ADAM17: variants seen among roughly 807,000 people sequenced by gnomAD.
ADAM17 encodes the protein disintegrin and metalloproteinase domain-containing protein 17.
In ADAM17, 39 loss-of-function variants were observed where a neutral mutation model predicts 96.7. The observed-to-expected ratio is 0.40, with a 90% CI of 0.31 to 0.53. The LOEUF (loss-of-function observed/expected upper bound fraction) is 0.53, where lower values mean the gene tolerates loss of function less well. Among genes scored for constraint, ADAM17 ranks in the 20% least tolerant of loss-of-function variants. The pLI, the probability that ADAM17 is intolerant of heterozygous loss-of-function variation, is 0.44. For missense variants in ADAM17, 777 were observed against 1,013.2 expected, an observed-to-expected ratio of 0.77 and a Z score of 3.17; for synonymous variants, 344 against 359.2, an observed-to-expected ratio of 0.96 and a Z score of 0.48.
rs536666129 is a variant in ADAM17, at chr2:9,527,595, T to G, written c.619+191A>C. The G allele has an allele frequency of 6.4e-5, 24 of 377,944 alleles. No individual in the cohort carries two copies. The South Asian group carries it at 2.8e-3, about 44-fold the overall frequency. 23.4% of individuals were successfully genotyped at this position (377,944 alleles called of 1,614,324 possible). ...GTCTAATCTCTGTTGTTCCCATTAT[T>G]TTCCAGAGTTTTCAACTCTTACATT... On this transcript the variant is annotated intron_variant, in intron 5 of 18. Coordinates refer to ENST00000310823, the MANE Select transcript of ADAM17 (RefSeq NM_003183.6).
rs377084834 is a variant in ADAM17 at position 9,494,787 on chromosome 2, T to C, written c.1784-20A>G. The C allele has an allele frequency of 3.1e-6, 5 of 1,613,192 alleles. No homozygotes were observed. In the African/African-American group the frequency reaches 5.3e-5, roughly 17 times the overall value. On this transcript the variant is annotated intron_variant, in intron 14 of 18. Transcript: ENST00000310823. ...CAGTTTCTGGAACAGAGAACACGCA[T>C]TGACAGCTGGATTGTTCTGAGACCT...
chr2:9,538,693 G>A (rs1182085152), intron 2 of ADAM17, among the ~76,000 whole-genome samples: 5 of 152,158 alleles, frequency 3.3e-5, no homozygotes, highest in Non-Finnish European at 5.9e-5. Flanking sequence ...AAGACCAAGC[G>A]ATTATAAAAT....
At chr2:9,549,317 G>A (rs1434155020) in intron 1 of ADAM17, among the ~76,000 whole-genome samples, 1 of 152,178 alleles carries the variant, frequency 6.6e-6, no homozygotes, top group Non-Finnish European at 1.5e-5. Flanking sequence ...GTTGCAGTGA[G>A]TGAGCTGAGA....
intron 1 of ADAM17, among the ~76,000 whole-genome samples, chr2:9,553,683 AAAAAAAAGAAAG>A (rs1223170785): frequency 6.1e-4 from 93 of 151,540 alleles, no homozygotes; most frequent in Admixed American, 1.8e-3. Context: ...CTCAAAAAAA[AAAAAAAAGAAAG>A]AAAAAGAAAA....
chr2:9,537,999 G>T (rs1179820834), intron 2 of ADAM17, among the ~76,000 whole-genome samples: 1 of 70,780 alleles, frequency 1.4e-5, no homozygotes, highest in Non-Finnish European at 2.9e-5. Flanking sequence ...AGGGAGGGGA[G>T]GGGAAGGGAG....
chr2:9,545,863 G>T (rs1218884980), intron 1 of ADAM17, among the ~76,000 whole-genome samples: 1 of 152,140 alleles, frequency 6.6e-6, no homozygotes, highest in Non-Finnish European at 1.5e-5. Context: ...GGAGGTCAAG[G>T]TGAGAGAATT....
chr2:9,514,518 AATATATATATATAT>A (rs70948826), intron 10 of ADAM17, among the ~76,000 whole-genome samples: 9,081 of 89,280 alleles, frequency 0.1, 590 homozygotes, highest in Middle Eastern at 0.14. Flanking sequence ...TTAAAATATA[AATATATATATATAT>A]ATATATATAT....
rs545232162 is a variant in ADAM17, at chr2:9,498,864, C to T, written c.1649-1616G>A. Among the ~76,000 whole-genome samples the T allele has an allele frequency of 2.0e-5, 3 of 152,242 alleles. No homozygotes were observed. The East Asian group carries it at 5.8e-4, about 29-fold the overall frequency. ...GCATCTGTTCTTAAAAGACTAAAGT[C>T]AGAGTATTAGACAGGTAGGAAAATA... On this transcript the variant is annotated intron_variant, in intron 13 of 18. Transcript: ENST00000310823.
At chr2:9,508,185 T>G (rs984741238) in intron 11 of ADAM17, among the ~76,000 whole-genome samples, 1 of 152,212 alleles carries the variant, frequency 6.6e-6, no homozygotes, top group Non-Finnish European at 1.5e-5. Flanking sequence ...CAGTATGCAA[T>G]ATGGTAGCCA....
At chr2:9,505,090 T>C in intron 12 of ADAM17, 76 bp downstream of exon 12, 1 of 1,485,772 alleles carries the variant, frequency 6.7e-7, no homozygotes, top group Non-Finnish European at 9.3e-7. Flanking sequence ...CTAAAGCCCC[T>C]GCAAGTTCAG....
intron 11 of ADAM17, among the ~76,000 whole-genome samples, chr2:9,509,555 T>C (rs937921695): frequency 3.3e-5 from 5 of 152,228 alleles, no homozygotes; most frequent in African/African-American, 9.6e-5. Context: ...ATGAGGCTTG[T>C]AGTCAGGCAA....
intron 1 of ADAM17, among the ~76,000 whole-genome samples, chr2:9,545,925 T>C (rs962627946): frequency 7.2e-5 from 11 of 151,732 alleles, no homozygotes; most frequent in African/African-American, 2.2e-4. Flanking sequence ...GAGACCCTCA[T>C]CTCTCCAAAA....
intron 10 of ADAM17, among the ~76,000 whole-genome samples, chr2:9,512,575 A>T (rs1663802354): frequency 6.6e-6 from 1 of 152,128 alleles, no homozygotes. Flanking sequence ...GATCCAAGGC[A>T]AGACTCTAAT....
chr2:9,543,643 G>C (rs1665301431), intron 1 of ADAM17, among the ~76,000 whole-genome samples: 1 of 152,136 alleles, frequency 6.6e-6, no homozygotes, highest in Non-Finnish European at 1.5e-5. Context: ...CAAGTTTATT[G>C]CTACTGATGT....
rs1331172786 is a variant in ADAM17 at position 9,523,349 on chromosome 2, T to A, written c.754-11A>T. 2.5e-6 allele frequency: 4 copies of A among 1,595,466 alleles called. No homozygotes were observed. The highest frequency in any genetic ancestry group is 3.4e-6 in the Non-Finnish European group (4 of 1,165,570). On this transcript the variant is annotated splice_polypyrimidine_tract_variant and intron_variant, in intron 6 of 18. Transcript: ENST00000310823. ...GTCAATTAGCTCTATCTGTGTGTATTTAAAAAAGAAAAAAGACATTATGTA... is the reference window on the plus strand; with the variant it reads ...GTCAATTAGCTCTATCTGTGTGTATATAAAAAAGAAAAAAGACATTATGTA...
intron 8 of ADAM17, among the ~76,000 whole-genome samples, chr2:9,520,607 T>C (rs1664266624): frequency 6.6e-6 from 1 of 152,120 alleles, no homozygotes; most frequent in Middle Eastern, 3.2e-3. Context: ...TGGGTATCCA[T>C]GTTATTTTCT....
intron 4 of ADAM17, among the ~76,000 whole-genome samples, chr2:9,535,536 T>C (rs1367106715): frequency 1.3e-5 from 2 of 152,196 alleles, no homozygotes; most frequent in African/African-American, 4.8e-5. Flanking sequence ...CTGAGGATGT[T>C]TACATTTATT....
At chr2:9,523,780 T>C (rs1664407869) in intron 6 of ADAM17, among the ~76,000 whole-genome samples, 1 of 152,198 alleles carries the variant, frequency 6.6e-6, no homozygotes. Flanking sequence ...TGATCAACTC[T>C]TCCTCTTCCT....
At chr2:9,550,339 A>G (rs115372176) in intron 1 of ADAM17, among the ~76,000 whole-genome samples, 64 of 152,156 alleles carry the variant, frequency 4.2e-4, no homozygotes, top group African/African-American at 1.5e-3. Context: ...CAGCAAGACC[A>G]GTAACCAGGA....
Sources: gnomAD v4.1 joint callset for allele counts (sites outside exome capture counted in the v4.1 genomes callset) on GRCh38, gnomAD v4.1.1 for gene constraint, MANE v1.5 for transcripts, NCBI Gene and HGNC (gene_info 2026-07-23, HGNC 2026-07-21) for gene names.